The following NTM variants were observed in gnomAD, a reference collection of about 807,000 sequenced individuals.
NTM encodes IgLON family member 2.
A neutral mutation model predicts 42.1 loss-of-function variants in NTM; 13 were observed. The observed-to-expected ratio is 0.31, with a 90% CI of 0.20 to 0.49. NTM has a LOEUF of 0.49. Among genes scored for constraint, NTM ranks in the 20% least tolerant of loss-of-function variants. The pLI, the probability that NTM is intolerant of heterozygous loss-of-function variation, is 0.99. For missense variants in NTM, 373 were observed against 452.8 expected (o/e 0.82, Z 1.60); for synonymous variants, 187 against 179.2 (o/e 1.04, Z -0.35).
At chr11:131,532,295 G>A (rs2051400512) in intron 1 of NTM, among the ~76,000 whole-genome samples, 1 of 152,112 alleles carries the variant, frequency 6.6e-6, no homozygotes, top group South Asian at 2.1e-4. Context: ...CCTATTCTAG[G>A]CATTTTATGG....
intron 1 of NTM, among the ~76,000 whole-genome samples, chr11:131,476,419 G>T (rs11222665): frequency 6.6e-6 from 1 of 152,096 alleles, no homozygotes; most frequent in Non-Finnish European, 1.5e-5. Flanking sequence ...CTCCCTGCTC[G>T]TCTAGACTGC....
At chr11:132,326,981 G>A (rs1368416767) in intron 7 of NTM, among the ~76,000 whole-genome samples, 1 of 152,286 alleles carries the variant, frequency 6.6e-6, no homozygotes, top group East Asian at 1.9e-4. Context: ...ACCAATATCT[G>A]GATGGACTAG....
chr11:131,488,017 CAT>C (rs887638730), intron 1 of NTM, among the ~76,000 whole-genome samples: 2 of 152,312 alleles, frequency 1.3e-5, no homozygotes, highest in African/African-American at 2.4e-5. Context: ...GCAGTCAACA[CAT>C]AGCACCAGTG....
intron 1 of NTM, among the ~76,000 whole-genome samples, chr11:131,824,120 CAG>C (rs2093298851): frequency 6.6e-6 from 1 of 152,176 alleles, no homozygotes; most frequent in African/African-American, 2.4e-5. Context: ...ATGAATCTAA[CAG>C]AGAGACATTT....
At chr11:131,408,258 C>T (rs1393210886) in intron 1 of NTM, among the ~76,000 whole-genome samples, 1 of 152,132 alleles carries the variant, frequency 6.6e-6, no homozygotes, top group Non-Finnish European at 1.5e-5. Context: ...CTCACGTTTG[C>T]AAAATATTTG....
intron 1 of NTM, among the ~76,000 whole-genome samples, chr11:131,472,711 T>C (rs1208071887): frequency 6.6e-6 from 1 of 152,192 alleles, no homozygotes; most frequent in Non-Finnish European, 1.5e-5. Context: ...TGACAATGAA[T>C]AAATGTAATT....
intron 1 of NTM, among the ~76,000 whole-genome samples, chr11:131,905,360 G>A (rs893472779): frequency 2.6e-5 from 4 of 152,122 alleles, no homozygotes; most frequent in Non-Finnish European, 5.9e-5. Flanking sequence ...TGGCATTAGA[G>A]GTTTTCAGTG....
At chr11:132,158,309 C>T (rs1395665128) in intron 3 of NTM, among the ~76,000 whole-genome samples, 1 of 152,202 alleles carries the variant, frequency 6.6e-6, no homozygotes. Flanking sequence ...GGTGCCCATG[C>T]CAGGTGTCCT....
chr11:131,784,997 A>G (rs2088879326), intron 1 of NTM, among the ~76,000 whole-genome samples: 1 of 152,148 alleles, frequency 6.6e-6, no homozygotes, highest in African/African-American at 2.4e-5. Context: ...ATGTATAAAA[A>G]CTACAGTCTT....
intron 1 of NTM, among the ~76,000 whole-genome samples, chr11:131,642,903 C>T (rs183077305): frequency 1.2e-4 from 19 of 152,270 alleles, no homozygotes; most frequent in Admixed American, 2.6e-4. Context: ...GTACCCAAAA[C>T]GTGAAGCCTT....
chr11:132,075,215 A>G (rs528933128), intron 2 of NTM, among the ~76,000 whole-genome samples: 1 of 152,318 alleles, frequency 6.6e-6, no homozygotes, highest in East Asian at 1.9e-4. Context: ...AGTTTCAGTT[A>G]CGCAAGATGT....
intron 2 of NTM, among the ~76,000 whole-genome samples, chr11:132,134,747 A>ATATCTATATC (rs1555277590): frequency 3.3e-5 from 3 of 89,664 alleles, no homozygotes; most frequent in African/African-American, 1.6e-4. Flanking sequence ...ATATATATAT[A>ATATCTATATC]TATATATATA....
intron 1 of NTM, among the ~76,000 whole-genome samples, chr11:131,380,212 C>CTTTT (rs34132358): frequency 8.0e-6 from 1 of 124,658 alleles, no homozygotes. Context: ...TCCTTTGAGT[C>CTTTT]TTTTTTTTTT....
chr11:132,100,795 A>C (rs572723869), intron 2 of NTM, among the ~76,000 whole-genome samples: 45 of 152,266 alleles, frequency 3.0e-4, no homozygotes, highest in African/African-American at 9.4e-4. Flanking sequence ...TTGATATGTG[A>C]GGTGGGCTAT....
intron 1 of NTM, among the ~76,000 whole-genome samples, chr11:131,599,792 G>C (rs2060307427): frequency 6.6e-6 from 1 of 152,212 alleles, no homozygotes; most frequent in Non-Finnish European, 1.5e-5. Context: ...GCTTCCCAGA[G>C]AAGTCAAGTC....
chr11:131,760,097 T>C (rs2083906345), intron 1 of NTM, among the ~76,000 whole-genome samples: 1 of 152,142 alleles, frequency 6.6e-6, no homozygotes. Context: ...CTTATTAAGT[T>C]GGGCAGAAAA....
rs1032093366 is a variant in NTM at position 131,719,190 on chromosome 11, G to A, written c.83-192374G>A. On this transcript the variant is annotated intron_variant, in intron 1 of 8. Coordinates refer to ENST00000683400, the MANE Select transcript of NTM (RefSeq NM_001352005.2). The stretch of plus-strand genomic sequence containing the variant: ...CTCCTGAAGTGCTGGGATTACAGAC[G>A]TAAGCCCGCGCCCAGTGCTTCCAGT... Among the ~76,000 whole-genome samples, 12 of 152,268 alleles carry A rather than the reference G, an allele frequency of 7.9e-5. No individual in the cohort carries two copies. In the East Asian group the frequency reaches 1.7e-3, roughly 22 times the overall value.
At chr11:132,126,990 CTT>C (rs1168619131) in intron 2 of NTM, among the ~76,000 whole-genome samples, 3 of 152,174 alleles carry the variant, frequency 2.0e-5, no homozygotes, top group Non-Finnish European at 2.9e-5. Flanking sequence ...TATTGTCAGT[CTT>C]TTTTCTTGAG....
chr11:131,831,873 TA>T (rs1277027825), intron 1 of NTM, among the ~76,000 whole-genome samples: 1 of 150,768 alleles, frequency 6.6e-6, no homozygotes, highest in Non-Finnish European at 1.5e-5. Flanking sequence ...CATAAAAGCA[TA>T]AAAGGTCCCA....
Sources: allele counts gnomAD v4.1 joint callset (sites outside exome capture counted in the v4.1 genomes callset), GRCh38; gene constraint gnomAD v4.1.1; transcripts MANE v1.5; gene names NCBI Gene and HGNC (gene_info 2026-07-23, HGNC 2026-07-21).